The following CDK15 variants were observed in gnomAD, a reference collection of about 807,000 sequenced individuals.
CDK15 encodes the protein cyclin-dependent kinase 15.
In CDK15, 62 loss-of-function variants were observed where a neutral mutation model predicts 60.3. That is an observed-to-expected ratio of 1.03 (90% CI 0.84 to 1.27). The LOEUF (loss-of-function observed/expected upper bound fraction) is 1.27, where lower values mean the gene tolerates loss of function less well. CDK15 is among the 50% of genes most tolerant of loss of function. The pLI, the probability that CDK15 is intolerant of heterozygous loss-of-function variation, is 0.00. For synonymous variants in CDK15, 194 were observed against 195.7 expected (o/e 0.99, Z 0.07); for missense variants, 541 against 527.8 (o/e 1.03, Z -0.25).
intron 12 of CDK15, among the ~76,000 whole-genome samples, chr2:201,889,919 G>C (rs2105846441): frequency 6.6e-6 from 1 of 151,882 alleles, no homozygotes; most frequent in South Asian, 2.1e-4. Context: ...ATGTGGTGAT[G>C]CTTGCCTGTA....
chr2:201,834,957 C>T (rs116682994), intron 7 of CDK15, among the ~76,000 whole-genome samples: 2,928 of 152,268 alleles, frequency 0.019, 36 homozygotes, highest in Non-Finnish European at 0.029. Flanking sequence ...GACAGAAAGA[C>T]TCATTTTGCA....
At chr2:201,849,778 CT>C (rs140356848) in intron 9 of CDK15, among the ~76,000 whole-genome samples, 1,895 of 152,112 alleles carry the variant, frequency 0.012, 11 homozygotes, top group Non-Finnish European at 0.02. Context: ...TAAGTATATC[CT>C]TGTGTGCCAT....
At chr2:201,814,614 A>T (rs1459296779) in intron 4 of CDK15, among the ~76,000 whole-genome samples, 1 of 152,198 alleles carries the variant, frequency 6.6e-6, no homozygotes, top group African/African-American at 2.4e-5. Flanking sequence ...AAGGGCTGGA[A>T]GGCAAAGTAA....
chr2:201,860,093 A>G (rs181974385), intron 10 of CDK15, among the ~76,000 whole-genome samples: 291 of 152,272 alleles, frequency 1.9e-3, no homozygotes, highest in African/African-American at 6.6e-3. Context: ...TGCTCCACTG[A>G]AAGGGTCTGT....
intron 11 of CDK15, among the ~76,000 whole-genome samples, chr2:201,872,800 T>C (rs143548909): frequency 1.3e-5 from 2 of 152,284 alleles, no homozygotes; most frequent in African/African-American, 4.8e-5. Flanking sequence ...GTAAAACAGA[T>C]AATAGAGACA....
intron 12 of CDK15, among the ~76,000 whole-genome samples, chr2:201,881,613 T>A (rs1699280494): frequency 6.6e-6 from 1 of 152,146 alleles, no homozygotes; most frequent in African/African-American, 2.4e-5. Flanking sequence ...GGAACAAGAA[T>A]TCAAATGAGA....
At chr2:201,872,455 A>G in intron 11 of CDK15, 129 bp downstream of exon 11, 1 of 948,536 alleles carries the variant, frequency 1.1e-6, no homozygotes, top group Non-Finnish European at 1.7e-6. Flanking sequence ...AGCTGTAGGA[A>G]GATGCCTCTG....
At chr2:201,843,418 A>G (rs912189931) in intron 8 of CDK15, among the ~76,000 whole-genome samples, 1 of 152,020 alleles carries the variant, frequency 6.6e-6, no homozygotes, top group African/African-American at 2.4e-5. Flanking sequence ...AACTGACCTC[A>G]TGATCTGCCC....
intron 8 of CDK15, among the ~76,000 whole-genome samples, chr2:201,842,008 T>C (rs1346440619): frequency 6.6e-6 from 1 of 152,202 alleles, no homozygotes; most frequent in Non-Finnish European, 1.5e-5. Flanking sequence ...AAATTTACCA[T>C]TCATCACGAT....
intron 10 of CDK15, chr2:201,861,569 T>C (rs1176706875): frequency 1.1e-6 from 1 of 947,214 alleles, no homozygotes; most frequent in Non-Finnish European, 1.3e-6. Flanking sequence ...TTTTTTCTTT[T>C]TTTTTTTTTT....
chr2:201,809,532 C>T (rs1287526236), intron 3 of CDK15, among the ~76,000 whole-genome samples: 3 of 129,988 alleles, frequency 2.3e-5, no homozygotes, highest in African/African-American at 1.1e-4. Context: ...TTTCCTTAAT[C>T]TATCTTTTCT....
Position 201,861,718 on chromosome 2 carries a change from A to G in CDK15, c.1009+6781A>G, listed in dbSNP as rs115445857. 7.2e-3 allele frequency among the ~76,000 whole-genome samples: 1,097 copies of G among 151,758 alleles called. 18 individuals are homozygous for G. The highest frequency in any genetic ancestry group is 0.025 in the African/African-American group (1,026 of 41,356). ...TGGGAATACAGGCGCACGCCACTGA[A>G]CCCAGCTAATTTTTGTATTTTTAGT... On this transcript the variant is annotated intron_variant, in intron 10 of 13. Coordinates refer to ENST00000652192, the MANE Select transcript of CDK15 (RefSeq NM_001366386.2).
intron 10 of CDK15, among the ~76,000 whole-genome samples, chr2:201,863,106 C>T (rs1698463344): frequency 6.6e-6 from 1 of 152,286 alleles, no homozygotes; most frequent in African/African-American, 2.4e-5. Flanking sequence ...TGGGGAGTTA[C>T]TATTAACATC....
chr2:201,868,982 G>A (rs1415731904), intron 10 of CDK15, among the ~76,000 whole-genome samples: 1 of 152,150 alleles, frequency 6.6e-6, no homozygotes, highest in Non-Finnish European at 1.5e-5. Flanking sequence ...GATTCCTCAA[G>A]GATCTAGAAC....
intron 10 of CDK15, among the ~76,000 whole-genome samples, chr2:201,857,811 A>C (rs1233937061): frequency 6.6e-6 from 1 of 152,144 alleles, no homozygotes; most frequent in African/African-American, 2.4e-5. Flanking sequence ...CTCTTACGTG[A>C]GTCAATAAGT....
intron 4 of CDK15, among the ~76,000 whole-genome samples, chr2:201,815,475 C>G (rs536719094): frequency 6.6e-6 from 1 of 152,288 alleles, no homozygotes; most frequent in African/African-American, 2.4e-5. Context: ...ACCCTCATTC[C>G]TTTGCTAATT....
intron 8 of CDK15, among the ~76,000 whole-genome samples, chr2:201,840,555 G>GTGTTT (rs1465125285): frequency 6.6e-6 from 1 of 151,962 alleles, no homozygotes; most frequent in Non-Finnish European, 1.5e-5. Flanking sequence ...ATCTTTTAGA[G>GTGTTT]TGTTTTGTTT....
intron 12 of CDK15, chr2:201,889,255 T>A (rs1699559816): frequency 1.0e-6 from 1 of 985,270 alleles, no homozygotes. Context: ...TGTGAGATAT[T>A]TTGAGCACCC....
chr2:201,849,374 T>C (rs936963094), intron 9 of CDK15, among the ~76,000 whole-genome samples: 4 of 152,220 alleles, frequency 2.6e-5, no homozygotes, highest in Non-Finnish European at 5.9e-5. Flanking sequence ...CAGTATTATT[T>C]CTTGTCCACA....
Sources: allele counts gnomAD v4.1 joint callset (sites outside exome capture counted in the v4.1 genomes callset), GRCh38; gene constraint gnomAD v4.1.1; transcripts MANE v1.5; gene names NCBI Gene and HGNC (gene_info 2026-07-23, HGNC 2026-07-21).